Variants in LRRC2 observed in about 807,000 individuals in gnomAD.
The protein encoded by LRRC2 is leucine-rich repeat-containing protein 2.
LRRC2 carries 27 observed loss-of-function variants against 40.2 expected under a neutral mutation model. The observed-to-expected ratio is 0.67, with a 90% CI of 0.49 to 0.93. LRRC2 has a LOEUF of 0.93. Among genes scored for constraint, LRRC2 ranks in the 40% least tolerant of loss-of-function variants. The pLI, the probability that LRRC2 is intolerant of heterozygous loss-of-function variation, is 0.00. For synonymous variants in LRRC2, 147 were observed against 158.9 expected, an observed-to-expected ratio of 0.92 and a Z score of 0.56; for missense variants, 402 against 439.6, an observed-to-expected ratio of 0.91 and a Z score of 0.76.
chr3:46,539,276 T>C, intron 3 of LRRC2, 75 bp from the exon 4 acceptor site: 3 of 1,415,376 alleles, frequency 2.1e-6, no homozygotes, highest in Non-Finnish European at 2.9e-6. Context: ...CAAGCATTTA[T>C]TTTAAAACAG....
At chr3:46,522,581 C>G (rs910256333) in intron 7 of LRRC2, among the ~76,000 whole-genome samples, 17 of 151,798 alleles carry the variant, frequency 1.1e-4, no homozygotes, top group African/African-American at 3.9e-4. Flanking sequence ...AGTGTGGTGG[C>G]ACATGCCTGT....
At position 46,532,792 on chromosome 3, in the gene LRRC2, A is replaced by G. The variant is rs140423493; in HGVS notation, c.608T>C (p.Leu203Ser). Reference protein sequence around the residue: ...ERLDCSGNLELMELPFELSNL... With the variant: ...ERLDCSGNLESMELPFELSNL... ...TCTTACTTCAAAGGGCAGCTCCATT[A>G]ATTCTAGATTTCCAGAACAATCCAG... The change falls in exon 5 of 9, where the codon TTA (leucine) becomes TCA (serine). Residue 203 changes from leucine (L) to serine (S), a missense_variant. Coordinates refer to ENST00000395905, the MANE Select transcript of LRRC2 (RefSeq NM_024512.5). 4.3e-6 allele frequency: 7 copies of G among 1,613,706 alleles called. No homozygotes were observed. The highest frequency in any genetic ancestry group is 3.4e-6 in the Non-Finnish European group (4 of 1,179,794).
intron 1 of LRRC2, 65 bp from the exon 2 acceptor site, chr3:46,551,675 T>TGTC: frequency 8.0e-7 from 1 of 1,243,586 alleles, no homozygotes; most frequent in Non-Finnish European, 1.1e-6. Context: ...TAACATAAAC[T>TGTC]TTAAAATGAA....
At chr3:46,525,710 C>T (rs1281713149) in intron 7 of LRRC2, among the ~76,000 whole-genome samples, 1 of 152,194 alleles carries the variant, frequency 6.6e-6, no homozygotes, top group Non-Finnish European at 1.5e-5. Context: ...TTATATTACA[C>T]TTAAGTATAA....
At position 46,549,916 on chromosome 3, in the gene LRRC2, C is replaced by T. The variant is rs28683755; in HGVS notation, c.125+1551G>A. Among the ~76,000 whole-genome samples, 872 of 152,322 alleles carry T rather than the reference C, an allele frequency of 5.7e-3. 7 individuals carry two copies. The highest frequency in any genetic ancestry group is 0.02 in the African/African-American group (819 of 41,576). On this transcript the variant is annotated intron_variant, in intron 2 of 8. Transcript: ENST00000395905. ...CTGAGAGCTACTTTGGGCTCTGGGA[C>T]CTTGTATGATTTATGTGAGTGTAGG...
chr3:46,552,503 T>C (rs1396720648), intron 1 of LRRC2, among the ~76,000 whole-genome samples: 2 of 152,188 alleles, frequency 1.3e-5, no homozygotes, highest in African/African-American at 4.8e-5. Flanking sequence ...GTATAGGACA[T>C]GAGGCACGTA....
At chr3:46,536,378 A>G (rs1704269551) in intron 4 of LRRC2, among the ~76,000 whole-genome samples, 1 of 152,186 alleles carries the variant, frequency 6.6e-6, no homozygotes, top group Non-Finnish European at 1.5e-5. Context: ...TATGTACCCA[A>G]TATGTTGGTG....
At chr3:46,537,513 A>G (rs1204828056) in intron 4 of LRRC2, among the ~76,000 whole-genome samples, 1 of 152,248 alleles carries the variant, frequency 6.6e-6, no homozygotes, top group East Asian at 1.9e-4. Flanking sequence ...CTTCTAGCCC[A>G]GGCTCTGAAG....
intron 3 of LRRC2, 71 bp downstream of exon 3, chr3:46,544,975 C>T: frequency 7.2e-7 from 1 of 1,391,118 alleles, no homozygotes; most frequent in South Asian, 1.2e-5. Context: ...TTCATTCATT[C>T]ATCCTTGGGC....
rs1223588616 is a variant in LRRC2, at chr3:46,521,577, G to A, written c.1011C>T (p.Arg337=). Residue 337 remains arginine, a synonymous_variant, in exon 8 of 9, where the codon CGC becomes CGT. Transcript: ENST00000395905. ...TCATAACTTCTTTATCAAAATGTTG[G>A]CGATCCCGTTCACTTTCCATTATTT... ...GNEIMESERD[R]QHFDKEVMKA... 1.2e-6 allele frequency: 2 copies of A among 1,612,766 alleles called. No individual in the cohort carries two copies. Among genetic ancestry groups the A allele is most frequent in the African/African-American group, 2.7e-5 (2 of 74,942 alleles).
intron 7 of LRRC2, 142 bp from the exon 8 acceptor site, chr3:46,521,800 C>T: frequency 1.4e-6 from 1 of 734,170 alleles, no homozygotes. Context: ...TCAGCATCAC[C>T]AGTGGAATTC....
At chr3:46,530,158 A>C in intron 5 of LRRC2, 108 bp from the exon 6 acceptor site, 2 of 878,314 alleles carry the variant, frequency 2.3e-6, no homozygotes, top group Non-Finnish European at 3.6e-6. Flanking sequence ...TTCTATGAAT[A>C]TATGCAAAGC....
chr3:46,548,207 G>A (rs967860754), intron 2 of LRRC2, among the ~76,000 whole-genome samples: 16 of 151,702 alleles, frequency 1.1e-4, no homozygotes, highest in Admixed American at 6.6e-5. Context: ...CACATATTTT[G>A]GTACAGCCAA....
chr3:46,563,629 G>A (rs775889519), intron 1 of LRRC2, among the ~76,000 whole-genome samples: 1 of 152,174 alleles, frequency 6.6e-6, no homozygotes, highest in Non-Finnish European at 1.5e-5. Flanking sequence ...TCAGTCTACT[G>A]TTTATTTGCA....
chr3:46,515,804 C>A lies in LRRC2; in HGVS notation c.*3210G>T, dbSNP rs138461461. On this transcript the variant is annotated 3_prime_UTR_variant, in exon 9 of 9. Transcript: ENST00000395905. The stretch of plus-strand genomic sequence containing the variant: ...TCCACTTGGCCATATGTAACACATA[C>A]CTTAGCATGACATAAAATTCCAAAA... 1 of 151,946 alleles carries A rather than the reference C, an allele frequency of 6.6e-6. No individual in the cohort carries two copies. Among genetic ancestry groups the A allele is most frequent in the Non-Finnish European group, 1.5e-5 (1 of 68,002 alleles). The allele number at this position is 151,946 out of a possible 1,614,324, so 9.4% of individuals were successfully genotyped here. A position where few individuals can be genotyped will look rare whatever the true frequency, so the allele number is the denominator to read the frequency against.
chr3:46,546,141 G>C (rs914402664), intron 2 of LRRC2, among the ~76,000 whole-genome samples: 5 of 152,188 alleles, frequency 3.3e-5, no homozygotes, highest in African/African-American at 1.2e-4. Flanking sequence ...AGGTCTTCTG[G>C]GGGCTACTTT....
chr3:46,537,394 C>G (rs924600858), intron 4 of LRRC2, among the ~76,000 whole-genome samples: 3 of 152,192 alleles, frequency 2.0e-5, no homozygotes, highest in African/African-American at 7.2e-5. Flanking sequence ...GCCACCGCCT[C>G]CAGCCTAAAA....
intron 4 of LRRC2, among the ~76,000 whole-genome samples, chr3:46,534,172 C>T (rs896856116): frequency 6.6e-6 from 1 of 152,038 alleles, no homozygotes; most frequent in East Asian, 1.9e-4. Flanking sequence ...TGAGAACATG[C>T]GGTGTTTGGT....
At chr3:46,539,365 G>A (rs757527501) in intron 3 of LRRC2, among the ~76,000 whole-genome samples, 164 bp from the exon 4 acceptor site, 33 of 152,148 alleles carry the variant, frequency 2.2e-4, no homozygotes, top group Non-Finnish European at 3.7e-4. Flanking sequence ...CAAAGACACC[G>A]CAGTTGTCGT....
Sources: gnomAD v4.1 joint callset for allele counts (sites outside exome capture counted in the v4.1 genomes callset) on GRCh38, gnomAD v4.1.1 for gene constraint, MANE v1.5 for transcripts, NCBI Gene and HGNC (gene_info 2026-07-23, HGNC 2026-07-21) for gene names.